The following GPD1L variants were observed in gnomAD, a reference collection of about 807,000 sequenced individuals.
The protein encoded by GPD1L is glycerol-3-phosphate dehydrogenase 1 like.
GPD1L carries 17 observed loss-of-function variants against 32.9 expected under a neutral mutation model. That is an observed-to-expected ratio of 0.52 (90% CI 0.35 to 0.78). The LOEUF is 0.78. Among genes scored for constraint, GPD1L ranks in the 30% least tolerant of loss-of-function variants. The pLI is 0.01. For missense variants in GPD1L, 361 were observed against 447.8 expected, an observed-to-expected ratio of 0.81 and a Z score of 1.75; for synonymous variants, 187 against 165.9, an observed-to-expected ratio of 1.13 and a Z score of -0.98.
intron 5 of GPD1L, among the ~76,000 whole-genome samples, chr3:32,153,881 A>G (rs1336544457): frequency 6.6e-6 from 1 of 152,150 alleles, no homozygotes; most frequent in Non-Finnish European, 1.5e-5. Flanking sequence ...TACACTCAAG[A>G]GTGGATGATT....
At chr3:32,161,258 A>T (rs1226322475) in intron 7 of GPD1L, among the ~76,000 whole-genome samples, 1 of 152,072 alleles carries the variant, frequency 6.6e-6, no homozygotes, top group Non-Finnish European at 1.5e-5. Context: ...CATTTGTCTT[A>T]CCTTTTAAAT....
chr3:32,149,236 T>C (rs1231950701), intron 5 of GPD1L, among the ~76,000 whole-genome samples: 1 of 152,182 alleles, frequency 6.6e-6, no homozygotes, highest in Non-Finnish European at 1.5e-5. Flanking sequence ...ATTTTGTTTA[T>C]TTTTTGTAGA....
intron 2 of GPD1L, among the ~76,000 whole-genome samples, chr3:32,135,974 G>A (rs1227041963): frequency 6.6e-6 from 1 of 152,220 alleles, no homozygotes; most frequent in Non-Finnish European, 1.5e-5. Flanking sequence ...CGGTGGAGAA[G>A]TGCTGAGCTT....
At chr3:32,114,245 C>T (rs991191001) in intron 1 of GPD1L, among the ~76,000 whole-genome samples, 1 of 152,258 alleles carries the variant, frequency 6.6e-6, no homozygotes, top group African/African-American at 2.4e-5. Flanking sequence ...GCCCACATGT[C>T]TTTCATCCTT....
chr3:32,149,552 C>T (rs1700880554), intron 5 of GPD1L, among the ~76,000 whole-genome samples: 1 of 152,156 alleles, frequency 6.6e-6, no homozygotes. Context: ...TCATTTTGTA[C>T]CAGTGCCTCT....
At position 32,138,696 on chromosome 3, in the gene GPD1L, C is replaced by T. The variant is rs1201810677; in HGVS notation, c.335C>T (p.Pro112Leu). ...TGTGATGAGATCACTGGGAGAGTGCCCAAGAAAGCGCTGGGAATCACCCTC... is the reference window on the plus strand; with the variant it reads ...TGTGATGAGATCACTGGGAGAGTGCTCAAGAAAGCGCTGGGAATCACCCTC... ...RICDEITGRV[P>L]KKALGITLIK... Residue 112 changes from proline to leucine, a missense_variant, in exon 3 of 8, where the codon CCC becomes CTC. By Grantham distance (98) the Pro-to-Leu change is moderately conservative. Transcript: ENST00000282541. The T allele has an allele frequency of 3.7e-6, 6 of 1,613,892 alleles. No homozygotes were observed. In the East Asian group the frequency reaches 1.1e-4, roughly 30 times the overall value.
chr3:32,145,241 C>G (rs966291174), intron 4 of GPD1L, among the ~76,000 whole-genome samples: 7 of 152,028 alleles, frequency 4.6e-5, no homozygotes, highest in African/African-American at 1.4e-4. Flanking sequence ...ATCGCTTGAG[C>G]TTGGGAGGTG....
At chr3:32,127,955 C>T in intron 1 of GPD1L, 121 bp from the exon 2 acceptor site, 1 of 760,246 alleles carries the variant, frequency 1.3e-6, no homozygotes, top group East Asian at 2.7e-5. Context: ...CACGTCACAT[C>T]TTGAGTAGGC....
Position 32,158,797 on chromosome 3 carries a change from G to A in GPD1L, c.619-79G>A, listed in dbSNP as rs1052314006. 2.9e-5 allele frequency: 45 copies of A among 1,563,430 alleles called. No homozygotes were observed. In the Admixed American group the frequency reaches 5.7e-4, roughly 20 times the overall value. On this transcript the variant is annotated intron_variant, in intron 5 of 7. Transcript: ENST00000282541. ...AATGTCCCTGGTCTGCCCCTGCCTC[G>A]GCATCCCCCACCACCTCTGGCATCC...
chr3:32,147,995 A>G (rs1433134735), intron 5 of GPD1L, among the ~76,000 whole-genome samples: 1 of 152,244 alleles, frequency 6.6e-6, no homozygotes, highest in Non-Finnish European at 1.5e-5. Context: ...CATTCTTTGC[A>G]TTAGCATTAC....
chr3:32,141,804 A>C (rs536127214), intron 4 of GPD1L, among the ~76,000 whole-genome samples: 1 of 152,204 alleles, frequency 6.6e-6, no homozygotes, highest in East Asian at 1.9e-4. Flanking sequence ...TATAATTGCA[A>C]CTTTTATTTT....
At chr3:32,135,371 G>A (rs1447841843) in intron 2 of GPD1L, among the ~76,000 whole-genome samples, 2 of 152,232 alleles carry the variant, frequency 1.3e-5, no homozygotes, top group African/African-American at 4.8e-5. Flanking sequence ...GCAAACACAT[G>A]AGAACAAAAC....
intron 4 of GPD1L, among the ~76,000 whole-genome samples, chr3:32,142,515 AAT>A (rs1179634941): frequency 3.3e-5 from 5 of 152,212 alleles, no homozygotes; most frequent in African/African-American, 9.6e-5. Flanking sequence ...TACATATATG[AAT>A]ATGTCTTATT....
chr3:32,163,841 C>G (rs1701107394), intron 7 of GPD1L, among the ~76,000 whole-genome samples: 1 of 152,142 alleles, frequency 6.6e-6, no homozygotes, highest in African/African-American at 2.4e-5. Context: ...GCTGCAAGAC[C>G]AACACACAGT....
intron 4 of GPD1L, among the ~76,000 whole-genome samples, chr3:32,143,311 G>C (rs1027502079): frequency 6.6e-6 from 1 of 152,062 alleles, no homozygotes; most frequent in Non-Finnish European, 1.5e-5. Context: ...AGTCTTGTTC[G>C]AATTCCTGGC....
rs528925344 is a variant in GPD1L at position 32,167,764 on chromosome 3, A to G, written c.*1854A>G. 6.6e-6 allele frequency: 1 copy of G among 152,296 alleles called. No individual in the cohort carries two copies. Among genetic ancestry groups the G allele is most frequent in the Non-Finnish European group, 1.5e-5 (1 of 68,024 alleles). 9.4% of individuals were successfully genotyped at this position (152,296 alleles called of 1,614,324 possible). ...GCCAGTTTAGGATTTCTTTTTTTCTATACCTTGAAATGATTATAAAATAGA... is the reference window on the plus strand; with the variant it reads ...GCCAGTTTAGGATTTCTTTTTTTCTGTACCTTGAAATGATTATAAAATAGA... On this transcript the variant is annotated 3_prime_UTR_variant, in exon 8 of 8. Coordinates refer to ENST00000282541, the MANE Select transcript of GPD1L (RefSeq NM_015141.4).
At position 32,123,839 on chromosome 3, in the gene GPD1L, TAGACAGAC is replaced by T. The variant is rs139824495; in HGVS notation, c.48-4233_48-4226del. The stretch of plus-strand genomic sequence containing the variant: ...ATAGATAGATAGATAGATAGATAGA[TAGACAGAC>T]AGATAAGACCCATGCCTGACTATGC... On this transcript the variant is annotated intron_variant, in intron 1 of 7. Transcript: ENST00000282541. 6.4e-3 allele frequency among the ~76,000 whole-genome samples: 867 copies of T among 134,588 alleles called. 5 individuals carry two copies. Among genetic ancestry groups the T allele is most frequent in the Middle Eastern group, 0.029 (8 of 278 alleles). 88.3% of individuals were successfully genotyped at this position (134,588 alleles called of 152,430 possible). A position where few individuals can be genotyped will look rare whatever the true frequency, so the allele number is the denominator to read the frequency against.
intron 4 of GPD1L, among the ~76,000 whole-genome samples, chr3:32,142,130 T>A (rs1263265030): frequency 6.6e-6 from 1 of 152,124 alleles, no homozygotes; most frequent in Admixed American, 6.6e-5. Context: ...TTTTCTTTTT[T>A]TTTTTTTGAG....
intron 5 of GPD1L, among the ~76,000 whole-genome samples, chr3:32,154,599 G>C (rs1442043402): frequency 2.0e-5 from 3 of 152,184 alleles, no homozygotes; most frequent in Non-Finnish European, 2.9e-5. Flanking sequence ...TCCTTACTCT[G>C]TGTGCTTCAG....
Sources: allele counts gnomAD v4.1 joint callset (sites outside exome capture counted in the v4.1 genomes callset), GRCh38; gene constraint gnomAD v4.1.1; transcripts MANE v1.5; gene names NCBI Gene and HGNC (gene_info 2026-07-23, HGNC 2026-07-21).